The following PKD1L1 variants were observed in gnomAD, a reference collection of about 807,000 sequenced individuals.
The protein encoded by PKD1L1 is polycystin 1 like 1, transient receptor potential channel interacting, also known as polycystin-1-like protein 1.
Under a neutral mutation model 323.4 loss-of-function variants are expected in PKD1L1, and 236 were observed. The observed-to-expected ratio is 0.73, with a 90% confidence interval of 0.66 to 0.81. The LOEUF is 0.81. Ranked by LOEUF, PKD1L1 falls within the 40% of genes least tolerant of loss-of-function variation. PKD1L1 has a pLI of 0.00. For synonymous variants in PKD1L1, 1,344 were observed against 1,335.0 expected, an observed-to-expected ratio of 1.01 and a Z score of -0.15; for missense variants, 3,320 against 3,508.0, an observed-to-expected ratio of 0.95 and a Z score of 1.35.
intron 50 of PKD1L1, among the ~76,000 whole-genome samples, chr7:47,811,369 C>T (rs952706534): frequency 2.0e-5 from 3 of 152,060 alleles, no homozygotes; most frequent in Non-Finnish European, 4.4e-5. Flanking sequence ...GTTGGCCAGG[C>T]CGGTGTTGAA....
intron 17 of PKD1L1, 27 bp downstream of exon 17, chr7:47,887,963 C>G: frequency 6.3e-7 from 1 of 1,583,414 alleles, no homozygotes; most frequent in Non-Finnish European, 8.6e-7. Flanking sequence ...CCTCAGAAAA[C>G]AAAATAAAGC....
intron 9 of PKD1L1, among the ~76,000 whole-genome samples, chr7:47,906,292 T>A (rs1055160154): frequency 8.5e-5 from 13 of 152,226 alleles, no homozygotes; most frequent in Non-Finnish European, 1.0e-4. Context: ...CACTAAGTAG[T>A]CTTCACTTCA....
At chr7:47,897,085 A>G (rs1042880487) in intron 14 of PKD1L1, among the ~76,000 whole-genome samples, 2 of 152,182 alleles carry the variant, frequency 1.3e-5, no homozygotes, top group African/African-American at 2.4e-5. Flanking sequence ...TCGCGATGAG[A>G]TAAGTACAGA....
At chr7:47,819,161 T>G (rs1347368939) in intron 46 of PKD1L1, among the ~76,000 whole-genome samples, 2 of 152,160 alleles carry the variant, frequency 1.3e-5, no homozygotes, top group African/African-American at 4.8e-5. Flanking sequence ...CTTTAAACAT[T>G]CCATTACCAA....
chr7:47,935,474 C>T (rs1014193576), intron 4 of PKD1L1, among the ~76,000 whole-genome samples: 3 of 152,328 alleles, frequency 2.0e-5, no homozygotes, highest in East Asian at 1.9e-4. Context: ...CCTGGGCCCA[C>T]GCATCCAAGT....
chr7:47,846,739 G>T lies in PKD1L1; in HGVS notation c.5153+140C>A, dbSNP rs903200532. ...ACTGGCTATGAGAGAACTGACACAG[G>T]CTGGAGAGTTGTACAAACCAAGAGA... is the stretch of plus-strand genomic sequence containing the variant. On this transcript the variant is annotated intron_variant, in intron 32 of 56. Transcript: ENST00000289672. 6 of 740,802 alleles carry T rather than the reference G, an allele frequency of 8.1e-6. No individual in the cohort carries two copies. In the Admixed American group the frequency reaches 9.6e-5, roughly 12 times the overall value. 45.9% of individuals were successfully genotyped at this position (740,802 alleles called of 1,614,324 possible). A position where few individuals can be genotyped will look rare whatever the true frequency, so the allele number is the denominator to read the frequency against.
rs975285314 is a variant in PKD1L1 at position 47,796,678 on chromosome 7, C to G, written c.8194-528G>C. Among the ~76,000 whole-genome samples, 6 of 152,184 alleles carry G rather than the reference C, an allele frequency of 3.9e-5. No homozygotes were observed. In the South Asian group the frequency reaches 1.2e-3, roughly 32 times the overall value. ...GTAACAAACTCGAATTTTTACACATCCAATTGTTTAAAAAATAACCCAAAC... is the reference window on the plus strand; with the variant it reads ...GTAACAAACTCGAATTTTTACACATGCAATTGTTTAAAAAATAACCCAAAC... On this transcript the variant is annotated intron_variant, in intron 54 of 56. Coordinates refer to ENST00000289672, the MANE Select transcript of PKD1L1 (RefSeq NM_138295.5).
intron 4 of PKD1L1, among the ~76,000 whole-genome samples, chr7:47,933,732 GAATA>G (rs377029485): frequency 9.2e-5 from 14 of 151,840 alleles, no homozygotes; most frequent in Non-Finnish European, 1.5e-4. Context: ...ATATTTTGTT[GAATA>G]AATAAATAAA....
At chr7:47,949,368 C>CAAA (rs58131581), upstream of PKD1L1, among the ~76,000 whole-genome samples, 12 of 57,122 alleles carry the variant, frequency 2.1e-4, no homozygotes, top group East Asian at 1.0e-3. Context: ...GGCTCTGTCT[C>CAAA]AAAAAAAAAA....
intron 28 of PKD1L1, among the ~76,000 whole-genome samples, chr7:47,856,389 T>C (rs1179896307): frequency 6.6e-6 from 1 of 152,210 alleles, no homozygotes; most frequent in Non-Finnish European, 1.5e-5. Flanking sequence ...ATTCCCTGAT[T>C]GACATAATAA....
At chr7:47,821,589 C>T (rs969338113) in intron 45 of PKD1L1, among the ~76,000 whole-genome samples, 1 of 151,010 alleles carries the variant, frequency 6.6e-6, no homozygotes, top group African/African-American at 2.4e-5. Flanking sequence ...AAATGAAACT[C>T]GGCTTTTAAA....
At chr7:47,955,403 A>C in the PKD1L1 span, among the ~76,000 whole-genome samples, 4 of 152,346 alleles carry the variant, frequency 2.6e-5, no homozygotes, top group South Asian at 8.3e-4. Flanking sequence ...AAAGATAGTA[A>C]TACAATTTCT....
intron 8 of PKD1L1, among the ~76,000 whole-genome samples, chr7:47,909,694 T>A (rs1437672457): frequency 1.3e-5 from 2 of 152,226 alleles, no homozygotes; most frequent in Non-Finnish European, 2.9e-5. Context: ...GGTTAAACAA[T>A]GTGCTATAGG....
At chr7:47,803,816 A>G (rs1263775781) in intron 52 of PKD1L1, among the ~76,000 whole-genome samples, 1 of 152,192 alleles carries the variant, frequency 6.6e-6, no homozygotes, top group Non-Finnish European at 1.5e-5. Context: ...TAATCCTTGC[A>G]AATACGGGAG....
rs1415690177 is a variant in PKD1L1, at chr7:47,946,541, T to TACACACACATC, written c.44+1845_44+1855dup. On this transcript the variant is annotated intron_variant, in intron 1 of 56. Coordinates refer to ENST00000289672, the MANE Select transcript of PKD1L1 (RefSeq NM_138295.5). This position sits in a 1 kb window ranked among gnomAD's most constrained non-coding sequence, Gnocchi z 4.1. ...AAACACCACACACACACCAACACAT[T>TACACACACATC]ACACACACATCACACAGCACACACC... Among the ~76,000 whole-genome samples, 2 of 145,574 alleles carry TACACACACATC rather than the reference T, an allele frequency of 1.4e-5. No individual in the cohort carries two copies. The highest frequency in any genetic ancestry group is 3.0e-5 in the Non-Finnish European group (2 of 66,252).
intron 7 of PKD1L1, among the ~76,000 whole-genome samples, chr7:47,926,618 AT>A (rs1404155937): frequency 6.6e-6 from 1 of 152,178 alleles, no homozygotes; most frequent in Admixed American, 6.5e-5. Context: ...AAAAATACCA[AT>A]AAGATATTTT....
chr7:47,894,518 A>C (rs1032397541), intron 14 of PKD1L1, among the ~76,000 whole-genome samples: 8 of 152,324 alleles, frequency 5.3e-5, no homozygotes, highest in South Asian at 2.1e-4. Flanking sequence ...CAGGAATAGC[A>C]GAACATGTTA....
In PKD1L1 at chr7:47,839,272, G is replaced by A. The variant is rs1162849346; in HGVS notation, c.5769+174C>T. On this transcript the variant is annotated intron_variant, in intron 36 of 56. Transcript: ENST00000289672. This position sits in a 1 kb window ranked among gnomAD's most constrained non-coding sequence, Gnocchi z 4.3. ...AGGGTAATTAATCCATGCTTGGATGGCCACTCAATGAATGTATCATTTAAT... is the reference window on the plus strand; with the variant it reads ...AGGGTAATTAATCCATGCTTGGATGACCACTCAATGAATGTATCATTTAAT... 6.6e-6 allele frequency among the ~76,000 whole-genome samples: 1 copy of A among 152,222 alleles called. No individual in the cohort carries two copies. Among genetic ancestry groups the A allele is most frequent in the Non-Finnish European group, 1.5e-5 (1 of 68,040 alleles).
rs1421372515 is a variant in PKD1L1 at position 47,834,340 on chromosome 7, T to A, written c.6173A>T (p.Lys2058Met). 1 of 1,613,668 alleles carries A rather than the reference T, an allele frequency of 6.2e-7. No homozygotes were observed. Among genetic ancestry groups the A allele is most frequent in the African/African-American group, 1.3e-5 (1 of 75,022 alleles). Reference sequence around the variant, plus strand: ...TGCTGCGCATAATGATTGATTTACCTTGCGTGGCTCCTGTGCGTCTGGTAT... The same window carrying A: ...TGCTGCGCATAATGATTGATTTACCATGCGTGGCTCCTGTGCGTCTGGTAT... ...GRIPDAQEPR[K>M]QPASAILSGS... Residue 2058 changes from lysine to methionine, a missense_variant and splice_region_variant, in exon 40 of 57, where the codon AAG becomes ATG. By Grantham distance (95) the Lys-to-Met change is moderately conservative (BLOSUM62 -1). Transcript: ENST00000289672.
Sources: gnomAD v4.1 joint callset for allele counts (sites outside exome capture counted in the v4.1 genomes callset) on GRCh38, gnomAD v4.1.1 for gene constraint, Gnocchi (gnomAD v3.1) non-coding constraint, MANE v1.5 for transcripts, NCBI Gene and HGNC (gene_info 2026-07-23, HGNC 2026-07-21) for gene names.